The following KAZN variants were observed in gnomAD, a reference collection of about 807,000 sequenced individuals.
KAZN encodes the protein kazrin.
Under a neutral mutation model 87.4 loss-of-function variants are expected in KAZN, and 40 were observed. That is an observed-to-expected ratio of 0.46 (90% CI 0.36 to 0.60). KAZN has a LOEUF of 0.60. Ranked by LOEUF, KAZN falls within the 20% of genes least tolerant of loss-of-function variation. KAZN has a pLI of 0.00. For missense variants in KAZN, 898 were observed against 1,073.9 expected (o/e 0.84, Z 2.29); for synonymous variants, 466 against 458.3 (o/e 1.02, Z -0.22).
intron 2 of KAZN, among the ~76,000 whole-genome samples, chr1:14,986,846 A>G (rs958005048): frequency 6.6e-6 from 1 of 152,198 alleles, no homozygotes; most frequent in African/African-American, 2.4e-5. Flanking sequence ...CCTCACCCAC[A>G]TAATCAGTAG....
chr1:13,987,696 A>G (rs1417812360), intron 1 of KAZN, among the ~76,000 whole-genome samples: 1 of 146,874 alleles, frequency 6.8e-6, no homozygotes, highest in Non-Finnish European at 1.5e-5. Context: ...GAGAGAGAGG[A>G]ACTCATCCTT....
intron 2 of KAZN, among the ~76,000 whole-genome samples, chr1:14,250,996 A>G (rs1337596945): frequency 1.3e-5 from 2 of 152,192 alleles, no homozygotes; most frequent in Non-Finnish European, 2.9e-5. Context: ...AACCAAAACA[A>G]CAACAACAAA....
chr1:14,375,429 G>C (rs1312444258), intron 2 of KAZN, among the ~76,000 whole-genome samples: 1 of 152,154 alleles, frequency 6.6e-6, no homozygotes, highest in Non-Finnish European at 1.5e-5. Flanking sequence ...CTTGTATTTA[G>C]AGCCATACCG....
intron 2 of KAZN, among the ~76,000 whole-genome samples, chr1:15,023,897 G>T (rs1670928311): frequency 6.9e-6 from 1 of 145,272 alleles, no homozygotes; most frequent in Non-Finnish European, 1.5e-5. Context: ...GGTGGAGTAT[G>T]AGAAAAGTTT....
chr1:14,946,044 A>G, intron 1 of KAZN: 1 of 370,224 alleles, frequency 2.7e-6, no homozygotes, highest in Non-Finnish European at 3.7e-6. Context: ...TGTGATCTTC[A>G]TTCTCCACAC....
chr1:14,100,818 A>C (rs150183132), intron 1 of KAZN, among the ~76,000 whole-genome samples: 242 of 152,210 alleles, frequency 1.6e-3, no homozygotes, highest in African/African-American at 5.6e-3. Flanking sequence ...TTGAATTCCC[A>C]TGTGTTTGTG....
intron 2 of KAZN, among the ~76,000 whole-genome samples, chr1:15,017,806 A>G (rs1670277117): frequency 6.7e-6 from 1 of 148,610 alleles, no homozygotes; most frequent in South Asian, 2.1e-4. Flanking sequence ...CTCCATCTCA[A>G]AAAAAAAAAG....
chr1:14,509,553 C>A (rs1485667099), intron 2 of KAZN, among the ~76,000 whole-genome samples: 2 of 152,148 alleles, frequency 1.3e-5, no homozygotes, highest in Non-Finnish European at 1.5e-5. Context: ...CCTCGTAGGG[C>A]CGTGGAAAAA....
chr1:14,127,749 C>T (rs932932290), intron 1 of KAZN, among the ~76,000 whole-genome samples: 1 of 152,150 alleles, frequency 6.6e-6, no homozygotes, highest in Non-Finnish European at 1.5e-5. Flanking sequence ...AATTTGGTCA[C>T]CAGAGGTATA....
chr1:14,307,091 G>A (rs1162769774), intron 2 of KAZN, among the ~76,000 whole-genome samples: 1 of 152,096 alleles, frequency 6.6e-6, no homozygotes, highest in African/African-American at 2.4e-5. Context: ...TACACAGAGG[G>A]GGATTTCATA....
intron 2 of KAZN, among the ~76,000 whole-genome samples, chr1:14,377,410 T>C (rs983138478): frequency 1.3e-5 from 2 of 152,200 alleles, no homozygotes; most frequent in Non-Finnish European, 2.9e-5. Context: ...CATTCGCCTT[T>C]AGCTCAAAGA....
chr1:14,626,885 G>A (rs1679183312), intron 1 of KAZN, among the ~76,000 whole-genome samples: 1 of 152,112 alleles, frequency 6.6e-6, no homozygotes, highest in Non-Finnish European at 1.5e-5. Flanking sequence ...ACATTCCACT[G>A]ATCCTTAAGT....
rs578245774 is a variant in KAZN at position 14,650,427 on chromosome 1, C to T, written c.226+51204C>T. Among the ~76,000 whole-genome samples the T allele has an allele frequency of 2.8e-3, 430 of 152,244 alleles. 1 individual carries two copies. Among genetic ancestry groups the T allele is most frequent in the South Asian group, 0.011 (52 of 4,822 alleles). On this transcript the variant is annotated intron_variant, in intron 1 of 14. Coordinates refer to ENST00000376030, the MANE Select transcript of KAZN (RefSeq NM_201628.3). ...AAAATTAGCCAGGCAGTTGTCCCAG[C>T]TACTCAGGAGACTGAGGCAGGAGGA... is the stretch of plus-strand genomic sequence containing the variant.
chr1:14,518,845 T>C (rs1412442588), intron 2 of KAZN, among the ~76,000 whole-genome samples: 1 of 152,236 alleles, frequency 6.6e-6, no homozygotes, highest in East Asian at 1.9e-4. Context: ...TGCTCAATAA[T>C]TGCTAGTAGT....
In KAZN at chr1:14,381,432, A is replaced by T. The variant is rs534468386; in HGVS notation, c.249+200840A>T. Reference sequence around the variant, plus strand: ...TACTGACACAAAAATATTGAACAAAACACTAGAAAACCGACTTCAACAACA... The same window carrying T: ...TACTGACACAAAAATATTGAACAAATCACTAGAAAACCGACTTCAACAACA... On this transcript the variant is annotated intron_variant, in intron 2 of 16. Transcript: ENST00000636203. 3.9e-5 allele frequency among the ~76,000 whole-genome samples: 6 copies of T among 152,298 alleles called. No individual in the cohort carries two copies. In the South Asian group the frequency reaches 1.2e-3, roughly 32 times the overall value.
At chr1:13,984,211 T>C (rs1350727249) in intron 1 of KAZN, among the ~76,000 whole-genome samples, 3 of 151,974 alleles carry the variant, frequency 2.0e-5, no homozygotes, top group South Asian at 2.1e-4. Flanking sequence ...GGGGTTTCAC[T>C]GTGTTAGCCA....
intron 2 of KAZN, among the ~76,000 whole-genome samples, chr1:14,283,768 C>A (rs1653029649): frequency 6.6e-6 from 1 of 152,110 alleles, no homozygotes; most frequent in South Asian, 2.1e-4. Flanking sequence ...GACCTATATC[C>A]ATCATTAACA....
chr1:15,088,845 C>T (rs888140839), intron 8 of KAZN, among the ~76,000 whole-genome samples: 1 of 151,928 alleles, frequency 6.6e-6, no homozygotes, highest in East Asian at 1.9e-4. Context: ...GTGTGGTTTG[C>T]GCACATGAAC....
chr1:14,111,901 G>A (rs150605868), intron 1 of KAZN, among the ~76,000 whole-genome samples: 2,351 of 151,940 alleles, frequency 0.015, 68 homozygotes, highest in African/African-American at 0.054. Context: ...CACCACGCCC[G>A]GCTAATTTTT....
Sources: gnomAD v4.1 joint callset for allele counts (sites outside exome capture counted in the v4.1 genomes callset) on GRCh38, gnomAD v4.1.1 for gene constraint, MANE v1.5 for transcripts, NCBI Gene and HGNC (gene_info 2026-07-23, HGNC 2026-07-21) for gene names.